ZFP2: variants seen among roughly 807,000 people sequenced by gnomAD.
ZFP2 encodes the protein ZFP2 zinc finger protein, also known as zinc finger protein ZFP2.
ZFP2 carries 33 observed loss-of-function variants against 36.1 expected under a neutral mutation model. That is an observed-to-expected ratio of 0.92 (90% confidence interval 0.69 to 1.22). ZFP2 has a LOEUF of 1.22. Among genes scored for constraint, ZFP2 ranks in the 50% most tolerant of loss-of-function variants. ZFP2 has a pLI of 0.00. For synonymous variants in ZFP2, 170 were observed against 178.0 expected, an observed-to-expected ratio of 0.96 and a Z score of 0.36; for missense variants, 522 against 551.4, an observed-to-expected ratio of 0.95 and a Z score of 0.53.
intron 1 of ZFP2, among the ~76,000 whole-genome samples, chr5:178,907,727 TG>T (rs2037892684): frequency 6.6e-6 from 1 of 152,114 alleles, no homozygotes; most frequent in Admixed American, 6.5e-5. Context: ...ACAGAAACTT[TG>T]GCTCCAAGGC....
At position 178,932,730 on chromosome 5, in the gene ZFP2, T is replaced by C. The variant is rs770766539; in HGVS notation, c.*31T>C. The C allele has an allele frequency of 1.3e-6, 2 of 1,542,478 alleles. No individual in the cohort carries two copies. Among genetic ancestry groups the C allele is most frequent in the Admixed American group, 4.2e-5 (2 of 47,728 alleles). ...GTTTTCACTGGCCCTTACCTCATGA[T>C]TAACTCTTCAGTAATAATCATATGA... is the stretch of plus-strand genomic sequence containing the variant. On this transcript the variant is annotated 3_prime_UTR_variant, in exon 5 of 5. Transcript: ENST00000361362.
chr5:178,906,524 G>T (rs1758170774), intron 1 of ZFP2, among the ~76,000 whole-genome samples: 1 of 151,854 alleles, frequency 6.6e-6, no homozygotes, highest in African/African-American at 2.4e-5. Context: ...CATACAGCTG[G>T]ATTTTAAATC....
In ZFP2 at chr5:178,926,579, C is replaced by T. The variant is rs1355022888; in HGVS notation, c.-77-4658C>T. Reference sequence around the variant, plus strand: ...TCGCCCAGGCTGGAGTGCAGTGGCACGATCTCGACTCACTGCAAGCTCCGC... The same window carrying T: ...TCGCCCAGGCTGGAGTGCAGTGGCATGATCTCGACTCACTGCAAGCTCCGC... On this transcript the variant is annotated intron_variant, in intron 4 of 4. Transcript: ENST00000361362. 3.2e-4 allele frequency among the ~76,000 whole-genome samples: 49 copies of T among 151,808 alleles called. 1 individual carries two copies. Among genetic ancestry groups the T allele is most frequent in the Admixed American group, 3.2e-3 (48 of 15,228 alleles).
chr5:178,906,961 C>T (rs1229972684), intron 1 of ZFP2, among the ~76,000 whole-genome samples: 1 of 151,918 alleles, frequency 6.6e-6, no homozygotes, highest in Non-Finnish European at 1.5e-5. Flanking sequence ...TCCTGCCACC[C>T]ATCCTTCCAG....
At chr5:178,929,414 C>A (rs1398911203) in intron 4 of ZFP2, among the ~76,000 whole-genome samples, 1 of 152,154 alleles carries the variant, frequency 6.6e-6, no homozygotes, top group Non-Finnish European at 1.5e-5. Context: ...TGTTAGCAGA[C>A]AACCCACCTC....
intron 4 of ZFP2, among the ~76,000 whole-genome samples, chr5:178,928,334 C>T (rs1355949780): frequency 6.6e-6 from 1 of 152,158 alleles, no homozygotes; most frequent in African/African-American, 2.4e-5. Flanking sequence ...ACTCAAAAGT[C>T]CACAGTCTCA....
At chr5:178,929,575 C>T (rs78405247) in intron 4 of ZFP2, among the ~76,000 whole-genome samples, 12,742 of 152,194 alleles carry the variant, frequency 0.084, 670 homozygotes, top group Non-Finnish European at 0.12. Context: ...GCTGCAGTTC[C>T]CAGTAAGTTC....
At chr5:178,922,238 T>A in intron 4 of ZFP2, 1 of 1,056,444 alleles carries the variant, frequency 9.5e-7, no homozygotes, top group Non-Finnish European at 1.5e-6. Flanking sequence ...TCTAGTACTA[T>A]ATTTAGTAGT....
At chr5:178,919,796 T>C (rs1168512513) in intron 4 of ZFP2, among the ~76,000 whole-genome samples, 2 of 152,126 alleles carry the variant, frequency 1.3e-5, no homozygotes, top group East Asian at 3.9e-4. Flanking sequence ...ACCCTTTCTC[T>C]GCAAAAAATA....
chr5:178,917,052 A>G (rs1046729048), intron 4 of ZFP2, among the ~76,000 whole-genome samples: 3 of 152,218 alleles, frequency 2.0e-5, no homozygotes, highest in African/African-American at 7.2e-5. Flanking sequence ...CAGTATTTTC[A>G]TTGTAAACTG....
intron 4 of ZFP2, chr5:178,922,013 T>G: frequency 1.5e-6 from 1 of 667,398 alleles, no homozygotes; most frequent in East Asian, 2.5e-5. Context: ...TAAAAACATT[T>G]AAAGCTCCTT....
chr5:178,926,504 T>C (rs1758672660), intron 4 of ZFP2, among the ~76,000 whole-genome samples: 1 of 151,570 alleles, frequency 6.6e-6, no homozygotes, highest in African/African-American at 2.4e-5. Context: ...CCAATTCACA[T>C]GTCACCTGCT....
chr5:178,926,618 G>A (rs1191002277), intron 4 of ZFP2, among the ~76,000 whole-genome samples: 4 of 151,936 alleles, frequency 2.6e-5, no homozygotes, highest in African/African-American at 7.3e-5. Context: ...CCAGGTTCAC[G>A]CCATTCTCCT....
intron 4 of ZFP2, chr5:178,922,131 G>T: frequency 8.7e-7 from 1 of 1,145,432 alleles, no homozygotes; most frequent in South Asian, 1.2e-5. Context: ...ATTATCCTAA[G>T]TGTCTTCATT....
chr5:178,922,767 G>A lies in ZFP2; in HGVS notation c.-78+6057G>A, dbSNP rs373786160. 3 of 1,507,312 alleles carry A rather than the reference G, an allele frequency of 2.0e-6. 1 individual carries two copies. The highest frequency in any genetic ancestry group is 2.4e-5 in the South Asian group (2 of 83,428). The allele number at this position is 1,507,312 out of a possible 1,614,324, so 93.4% of individuals were successfully genotyped here. A position where few individuals can be genotyped will look rare whatever the true frequency, so the allele number is the denominator to read the frequency against. Reference sequence around the variant, plus strand: ...TCTTTGTGCAGATTCTGTAAGGGCTGTGCAGAAATGTGTGTGGTCAAAGCC... The same window carrying A: ...TCTTTGTGCAGATTCTGTAAGGGCTATGCAGAAATGTGTGTGGTCAAAGCC... On this transcript the variant is annotated intron_variant, in intron 4 of 4. Coordinates refer to ENST00000361362, the MANE Select transcript of ZFP2 (RefSeq NM_030613.4).
chr5:178,911,169 T>C (rs1232388333), intron 1 of ZFP2, among the ~76,000 whole-genome samples: 2 of 152,174 alleles, frequency 1.3e-5, no homozygotes, highest in Admixed American at 6.5e-5. Context: ...AAATAAAAAT[T>C]AGGGAGAAAA....
intron 4 of ZFP2, among the ~76,000 whole-genome samples, chr5:178,930,331 T>TTG (rs1758802633): frequency 7.8e-6 from 1 of 128,672 alleles, no homozygotes; most frequent in East Asian, 2.2e-4. Context: ...TTTTTTTTTT[T>TTG]TTTTTTTGAG....
intron 1 of ZFP2, among the ~76,000 whole-genome samples, chr5:178,906,578 CAG>C (rs528295081): frequency 4.4e-4 from 67 of 151,756 alleles, no homozygotes; most frequent in African/African-American, 1.5e-3. Flanking sequence ...TTTTTTGAGA[CAG>C]AGTCTCACTC....
chr5:178,920,265 C>G (rs1328713940), intron 4 of ZFP2, among the ~76,000 whole-genome samples: 1 of 152,084 alleles, frequency 6.6e-6, no homozygotes, highest in African/African-American at 2.4e-5. Flanking sequence ...TTAATTCTTT[C>G]CTTTTTTCAC....
Sources: allele counts gnomAD v4.1 joint callset (sites outside exome capture counted in the v4.1 genomes callset), GRCh38; gene constraint gnomAD v4.1.1; transcripts MANE v1.5; gene names NCBI Gene and HGNC (gene_info 2026-07-23, HGNC 2026-07-21).